The following GLB1L variants were observed in gnomAD, a reference collection of about 807,000 sequenced individuals.
GLB1L encodes the protein galactosidase beta 1 like, also known as beta-galactosidase-1-like protein.
In GLB1L, 58 loss-of-function variants were observed where a neutral mutation model predicts 75.7. The ratio of observed to expected loss-of-function variants is 0.77; its 90% CI spans 0.62 to 0.95. GLB1L has a LOEUF of 0.95. Among genes scored for constraint, GLB1L ranks in the 40% least tolerant of loss-of-function variants. The pLI, the probability that GLB1L is intolerant of heterozygous loss-of-function variation, is 0.00. For synonymous variants in GLB1L, 296 were observed against 303.0 expected, an observed-to-expected ratio of 0.98 and a Z score of 0.24; for missense variants, 797 against 805.5, an observed-to-expected ratio of 0.99 and a Z score of 0.13.
chr2:219,238,697 G>T lies in GLB1L; in HGVS notation c.1137+8C>A. ...GTGGTATAAGAGAAAAGATGTGGAG[G>T]AACTTACCAGGTGCAGAGTCACAGG... On this transcript the variant is annotated splice_region_variant and intron_variant, in intron 12 of 16. Transcript: ENST00000295759. The T allele has an allele frequency of 6.2e-7, 1 of 1,613,418 alleles. No individual in the cohort carries two copies.
rs1321105714 is a variant in GLB1L at position 219,237,556 on chromosome 2, C to G, written c.1645G>C (p.Gly549Arg). 6.2e-7 allele frequency: 1 copy of G among 1,614,182 alleles called. No homozygotes were observed. Among genetic ancestry groups the G allele is most frequent in the East Asian group, 2.2e-5 (1 of 44,894 alleles). ...TATAGAAATGTGTCCCCAACTGAGC[C>G]TAAAATTGGAAATGTTTTGGAGTAG... Reference protein sequence around the residue: ...TFYSKTFPILGSVGDTFLYLP... With the variant: ...TFYSKTFPILRSVGDTFLYLP... Residue 549 changes from glycine (G) to arginine (R), a missense_variant, in exon 16 of 17, where the codon GGC becomes CGC. Gly to Arg is a moderately radical substitution (Grantham distance 125, BLOSUM62 -2). Transcript: ENST00000295759.
chr2:219,243,297 G>A lies in GLB1L; in HGVS notation c.90C>T (p.Phe30=), dbSNP rs13388808. 3.1e-6 allele frequency: 5 copies of A among 1,600,828 alleles called. No homozygotes were observed. The East Asian group carries it at 1.1e-4, about 36-fold the overall frequency. ...LLLPQADTRS[F]VVDRGHDRFL... ...ACCGGTCATGACCCCTATCCACTACGAACGACCGAGTGTCTGCCTATAAAG... is the reference window on the plus strand; with the variant it reads ...ACCGGTCATGACCCCTATCCACTACAAACGACCGAGTGTCTGCCTATAAAG... The change falls in exon 3 of 17, where the codon TTC becomes TTT. Residue 30 remains phenylalanine (F), a synonymous_variant. Coordinates refer to ENST00000295759, the MANE Select transcript of GLB1L (RefSeq NM_001286423.2).
In GLB1L at chr2:219,240,106, G is replaced by A. The variant is rs147304675; in HGVS notation, c.547-12C>T. On this transcript the variant is annotated splice_polypyrimidine_tract_variant and intron_variant, in intron 6 of 16. Coordinates refer to ENST00000295759, the MANE Select transcript of GLB1L (RefSeq NM_001286423.2). Reference sequence around the variant, plus strand: ...TATTCATTCTCCACCTGCCAGAGGGGAGGGAAAGTGGAACCCAGCTATGGG... The same window carrying A: ...TATTCATTCTCCACCTGCCAGAGGGAAGGGAAAGTGGAACCCAGCTATGGG... 5.3e-4 allele frequency: 853 copies of A among 1,614,190 alleles called. 6 individuals are homozygous for A. In the African/African-American group the frequency reaches 8.2e-3, roughly 16 times the overall value.
chr2:219,239,112 G>C lies in GLB1L; in HGVS notation c.1042C>G (p.Leu348Val), dbSNP rs754549759. The change falls in exon 11 of 17, where the codon CTT becomes GTT. Residue 348 changes from leucine to valine, a missense_variant. Transcript: ENST00000295759. ...GGTACCTTGCTGATGACATCTCGAA[G>C]AGCAAAAAGCTTAGGTGTGGGGTCC... is the stretch of plus-strand genomic sequence containing the variant. ...AGDPTPKLFA[L>V]RDVISKFQEV... 10 of 1,611,720 alleles carry C rather than the reference G, an allele frequency of 6.2e-6. No homozygotes were observed. The highest frequency in any genetic ancestry group is 1.7e-5 in the Admixed American group (1 of 59,878).
rs368871015 is a variant in GLB1L, at chr2:219,242,847, G to A, written c.311C>T (p.Ala104Val). 6.2e-7 allele frequency: 1 copy of A among 1,614,098 alleles called. No individual in the cohort carries two copies. The highest frequency in any genetic ancestry group is 8.5e-7 in the Non-Finnish European group (1 of 1,179,938). Residue 104 changes from alanine (A) to valine (V), a missense_variant, in exon 4 of 17, where the codon GCC (alanine) becomes GTC (valine). Transcript: ENST00000295759. ...CGCTAGAGCTGCCTCATTCAGAAAG[G>A]CAATGAGGTCCCGGCTGCCATTAAA... The part of the protein sequence containing the change: ...YNFNGSRDLI[A>V]FLNEAALANL...
In GLB1L at chr2:219,242,625, T is replaced by C. The variant is rs1182419420; in HGVS notation, c.391-51A>G. ...GAAGCATGTAGGTTTTGTTTTGGGG[T>C]GTGGTGGGGAAGCTAGGAAGGGAAG... On this transcript the variant is annotated intron_variant, in intron 4 of 16. Transcript: ENST00000295759. The C allele has an allele frequency of 2.6e-6, 4 of 1,562,732 alleles. No homozygotes were observed. In the Admixed American group the frequency reaches 6.7e-5, roughly 26 times the overall value.
chr2:219,238,672 G>A (rs1426750366), intron 12 of GLB1L, 33 bp downstream of exon 12: 2 of 1,593,650 alleles, frequency 1.3e-6, no homozygotes, highest in East Asian at 2.8e-5. Flanking sequence ...AAAAAAAGGT[G>A]TGGTATAAGA....
At position 219,241,463 on chromosome 2, in the gene GLB1L, T is replaced by TATAC. The variant is rs1553567638; in HGVS notation, c.451+1047_451+1050dup. On this transcript the variant is annotated intron_variant, in intron 5 of 16. Transcript: ENST00000295759. ...GTGTGTATATATATATATATATATA[T>TATAC]ATACATACATATATATGTATGTATA... is the stretch of plus-strand genomic sequence containing the variant. Among the ~76,000 whole-genome samples the TATAC allele has an allele frequency of 6.3e-3, 864 of 137,438 alleles. 7 individuals are homozygous for TATAC. Among genetic ancestry groups the TATAC allele is most frequent in the Non-Finnish European group, 0.01 (671 of 64,014 alleles). 90.2% of individuals were successfully genotyped at this position (137,438 alleles called of 152,430 possible). A position where few individuals can be genotyped will look rare whatever the true frequency, so the allele number is the denominator to read the frequency against.
At chr2:219,240,597 A>T (rs1951362233) in intron 5 of GLB1L, among the ~76,000 whole-genome samples, 1 of 152,084 alleles carries the variant, frequency 6.6e-6, no homozygotes, top group South Asian at 2.1e-4. Flanking sequence ...CAAAAAAATT[A>T]GCTGGGCATG....
intron 5 of GLB1L, among the ~76,000 whole-genome samples, chr2:219,240,928 C>G (rs1951369433): frequency 6.6e-6 from 1 of 150,396 alleles, no homozygotes; most frequent in Non-Finnish European, 1.5e-5. Flanking sequence ...ACTAAAAATA[C>G]AAAAAATTAG....
Position 219,236,646 on chromosome 2 carries a change from A to G in GLB1L, c.*426T>C, listed in dbSNP as rs1951247780. 1 of 707,874 alleles carries G rather than the reference A, an allele frequency of 1.4e-6. No homozygotes were observed. The allele number at this position is 707,874 out of a possible 1,614,324, so 43.8% of individuals were successfully genotyped here. ...AATTTTAATCACAATAAAGTTTGGC[A>G]AGGAATGTGTACTTGTACTTACATT... is the stretch of plus-strand genomic sequence containing the variant. On this transcript the variant is annotated 3_prime_UTR_variant, in exon 17 of 17. Coordinates refer to ENST00000295759, the MANE Select transcript of GLB1L (RefSeq NM_001286423.2).
At chr2:219,243,083 C>G (rs546478239) in intron 3 of GLB1L, 65 bp downstream of exon 3, 547 of 1,558,708 alleles carry the variant, frequency 3.5e-4, no homozygotes, top group Non-Finnish European at 4.0e-4. Flanking sequence ...TCCCGACCTT[C>G]TTTATAAGGG....
At chr2:219,242,729 C>T (rs764513320) in intron 4 of GLB1L, 39 bp downstream of exon 4, 5 of 1,611,424 alleles carry the variant, frequency 3.1e-6, no homozygotes, top group Non-Finnish European at 4.2e-6. Flanking sequence ...AGGAACTGCA[C>T]AAGGATAACT....
In GLB1L at chr2:219,241,434, G is replaced by GTATATATA. The variant is rs1392771177; in HGVS notation, c.451+1079_451+1080insTATATATA. Reference sequence around the variant, plus strand: ...TATATGTGTGTGTGTGTGTGTGTGTGTGTGTGTGTATATATATATATATAT... The same window carrying GTATATATA: ...TATATGTGTGTGTGTGTGTGTGTGTGTATATATATGTGTGTGTATATATATATATATAT... On this transcript the variant is annotated intron_variant, in intron 5 of 16. Coordinates refer to ENST00000295759, the MANE Select transcript of GLB1L (RefSeq NM_001286423.2). Among the ~76,000 whole-genome samples the GTATATATA allele has an allele frequency of 7.5e-3, 618 of 82,770 alleles. 4 individuals are homozygous for GTATATATA. Among genetic ancestry groups the GTATATATA allele is most frequent in the Middle Eastern group, 0.014 (2 of 148 alleles). 54.3% of individuals were successfully genotyped at this position (82,770 alleles called of 152,430 possible). A position where few individuals can be genotyped will look rare whatever the true frequency, so the allele number is the denominator to read the frequency against.
chr2:219,242,394 A>AG (rs1951413962), intron 5 of GLB1L, 120 bp downstream of exon 5: 12 of 793,730 alleles, frequency 1.5e-5, no homozygotes. Context: ...CTGGGCATGA[A>AG]GGAAACACTT....
At position 219,239,196 on chromosome 2, in the gene GLB1L, C is replaced by G. The variant is rs1559264559; in HGVS notation, c.958G>C (p.Gly320Arg). The G allele has an allele frequency of 6.2e-7, 1 of 1,612,008 alleles. No homozygotes were observed. Among genetic ancestry groups the G allele is most frequent in the South Asian group, 1.1e-5 (1 of 90,890 alleles). The change falls in exon 11 of 17, where the codon GGA (glycine) becomes CGA (arginine). Residue 320 changes from glycine (G) to arginine (R), a missense_variant. Gly to Arg is a moderately radical substitution (Grantham distance 125). Transcript: ENST00000295759. ...CTGGTAGTAATCGGAAGGAAGCGTCCCTTCTTATCGGCACCTGAAGTTGAG... is the reference window on the plus strand; with the variant it reads ...CTGGTAGTAATCGGAAGGAAGCGTCGCTTCTTATCGGCACCTGAAGTTGAG... ...FGYWNGADKK[G>R]RFLPITTSYD...
At chr2:219,241,735 A>C (rs1951399937) in intron 5 of GLB1L, among the ~76,000 whole-genome samples, 1 of 151,948 alleles carries the variant, frequency 6.6e-6, no homozygotes, top group Admixed American at 6.6e-5. Context: ...ATTCTGAATG[A>C]GATGAGAACC....
In GLB1L at chr2:219,236,759, A is replaced by AC; in HGVS notation, c.*312dup. The AC allele has an allele frequency of 4.2e-6, 1 of 238,518 alleles. No homozygotes were observed. The highest frequency in any genetic ancestry group is 7.0e-6 in the Non-Finnish European group (1 of 142,110). 14.8% of individuals were successfully genotyped at this position (238,518 alleles called of 1,614,324 possible). The stretch of plus-strand genomic sequence containing the variant: ...ACTCCATGTCCCAGGTCCAAGGGTT[A>AC]CTTTTTTTTTTTTTTTTTTTTTTGA... On this transcript the variant is annotated 3_prime_UTR_variant, in exon 17 of 17. Transcript: ENST00000295759.
chr2:219,238,107 C>G, intron 14 of GLB1L, 143 bp downstream of exon 14: 6 of 1,052,988 alleles, frequency 5.7e-6, no homozygotes, highest in Non-Finnish European at 5.6e-6. Flanking sequence ...CTTAATCAAA[C>G]TCTTCCTCAT....
Sources: gnomAD v4.1 joint callset for allele counts (sites outside exome capture counted in the v4.1 genomes callset) on GRCh38, gnomAD v4.1.1 for gene constraint, MANE v1.5 for transcripts, NCBI Gene and HGNC (gene_info 2026-07-23, HGNC 2026-07-21) for gene names.